SPATA6: variants seen among roughly 807,000 people sequenced by gnomAD.
The protein encoded by SPATA6 is spermatogenesis-associated protein 6.
SPATA6 carries 56 observed loss-of-function variants against 65.3 expected under a neutral mutation model. The observed-to-expected ratio is 0.86, with a 90% CI of 0.69 to 1.07. The LOEUF is 1.07. Among genes scored for constraint, SPATA6 ranks in the 50% least tolerant of loss-of-function variants. The probability of loss-of-function intolerance (pLI) is 0.00; values close to 1 mark genes in which losing one functional copy is unlikely to be tolerated. For synonymous variants in SPATA6, 199 were observed against 213.2 expected (o/e 0.93, Z 0.58); for missense variants, 590 against 594.8 (o/e 0.99, Z 0.08).
At chr1:48,384,798 C>T (rs183024370) in intron 9 of SPATA6, among the ~76,000 whole-genome samples, 25 of 152,222 alleles carry the variant, frequency 1.6e-4, no homozygotes, top group African/African-American at 4.8e-4. Flanking sequence ...AGAAACATTG[C>T]TTTATTTTCA....
At chr1:48,315,268 T>G (rs906686385) in intron 11 of SPATA6, among the ~76,000 whole-genome samples, 1 of 152,174 alleles carries the variant, frequency 6.6e-6, no homozygotes, top group Non-Finnish European at 1.5e-5. Context: ...ATATCCCTGA[T>G]GAACATAGAT....
chr1:48,345,542 C>G (rs555564895), intron 11 of SPATA6, among the ~76,000 whole-genome samples: 1 of 151,932 alleles, frequency 6.6e-6, no homozygotes, highest in African/African-American at 2.4e-5. Flanking sequence ...TTCAAAAGAT[C>G]AACAAATCCA....
chr1:48,343,448 T>C (rs977651942), intron 11 of SPATA6, among the ~76,000 whole-genome samples: 2 of 152,194 alleles, frequency 1.3e-5, no homozygotes, highest in East Asian at 3.9e-4. Flanking sequence ...ACAAAACAGA[T>C]GAAGCGGAAT....
At position 48,472,183 on chromosome 1, in the gene SPATA6, C is replaced by T. The variant is rs1220750005; in HGVS notation, c.-175G>A. On this transcript the variant is annotated 5_prime_UTR_variant, in exon 1 of 13. Transcript: ENST00000371847. The stretch of plus-strand genomic sequence containing the variant: ...GTTCCGCCGGAGAAGCAGCTGAGCG[C>T]GGGGCGCAGACTCGTTGTCATGGCA... 6 of 533,584 alleles carry T rather than the reference C, an allele frequency of 1.1e-5. No homozygotes were observed. The highest frequency in any genetic ancestry group is 1.0e-4 in the African/African-American group (5 of 49,206). 33.1% of individuals were successfully genotyped at this position (533,584 alleles called of 1,614,324 possible).
At chr1:48,278,651 G>C in the SPATA6 span, among the ~76,000 whole-genome samples, 1 of 152,138 alleles carries the variant, frequency 6.6e-6, no homozygotes, top group Non-Finnish European at 1.5e-5. Flanking sequence ...AAAAAGAAAT[G>C]AACAAAGCCT....
chr1:48,302,136 T>G (rs998462480), intron 12 of SPATA6, among the ~76,000 whole-genome samples: 2 of 152,260 alleles, frequency 1.3e-5, no homozygotes, highest in Non-Finnish European at 2.9e-5. Flanking sequence ...ATGATTTGCC[T>G]GGACTGATAT....
At chr1:48,313,191 G>T (rs1645279207) in intron 11 of SPATA6, among the ~76,000 whole-genome samples, 1 of 152,132 alleles carries the variant, frequency 6.6e-6, no homozygotes, top group South Asian at 2.1e-4. Context: ...GAAATACAGA[G>T]AATGCCACAA....
chr1:48,465,276 T>G (rs1233549773), intron 1 of SPATA6, among the ~76,000 whole-genome samples: 1 of 152,146 alleles, frequency 6.6e-6, no homozygotes, highest in Non-Finnish European at 1.5e-5. Flanking sequence ...GCAGGAAAGA[T>G]TCTCCCCTAA....
chr1:48,326,600 T>G (rs1204568025), intron 11 of SPATA6, among the ~76,000 whole-genome samples: 1 of 150,680 alleles, frequency 6.6e-6, no homozygotes, highest in Non-Finnish European at 1.5e-5. Context: ...CATCACATTA[T>G]ATAGCTTTAA....
intron 3 of SPATA6, among the ~76,000 whole-genome samples, chr1:48,422,418 G>C (rs1328650918): frequency 6.6e-6 from 1 of 152,132 alleles, no homozygotes; most frequent in Admixed American, 6.6e-5. Context: ...AGATTTTTAT[G>C]GTCTCACAGA....
the SPATA6 span, among the ~76,000 whole-genome samples, chr1:48,271,757 T>C: frequency 1.3e-5 from 2 of 152,144 alleles, no homozygotes; most frequent in Non-Finnish European, 2.9e-5. Context: ...TAGTCACTGA[T>C]AATTCAGTTT....
At chr1:48,292,572 C>T (rs1431741441), downstream of SPATA6, among the ~76,000 whole-genome samples, 1 of 152,186 alleles carries the variant, frequency 6.6e-6, no homozygotes, top group African/African-American at 2.4e-5. Context: ...AGACCAGCAG[C>T]AGGTGTTTAT....
chr1:48,281,989 T>C, the SPATA6 span, among the ~76,000 whole-genome samples: 21 of 152,114 alleles, frequency 1.4e-4, no homozygotes, highest in Non-Finnish European at 2.6e-4. Context: ...AACAGAGATA[T>C]ATATCAATGG....
rs57640838 is a variant in SPATA6, at chr1:48,325,335, T to G, written c.1195-19457A>C. ...ACTGTGTGTAGGGCACAGGCCCCCG[T>G]AGAGTCCTCCCCTGAAGGCAAAGTT... is the stretch of plus-strand genomic sequence containing the variant. On this transcript the variant is annotated intron_variant, in intron 11 of 12. Transcript: ENST00000371847. 3.2e-3 allele frequency: 4,221 copies of G among 1,305,410 alleles called. 119 individuals are homozygous for G. In the African/African-American group the frequency reaches 0.055, roughly 17 times the overall value. 80.9% of individuals were successfully genotyped at this position (1,305,410 alleles called of 1,614,324 possible). A position where few individuals can be genotyped will look rare whatever the true frequency, so the allele number is the denominator to read the frequency against.
intron 9 of SPATA6, among the ~76,000 whole-genome samples, chr1:48,369,139 T>C (rs1647142758): frequency 6.6e-6 from 1 of 152,146 alleles, no homozygotes; most frequent in African/African-American, 2.4e-5. Context: ...TGCTGCCTGA[T>C]CGGTCCTCTG....
At chr1:48,396,901 G>T (rs774164201) in intron 7 of SPATA6, among the ~76,000 whole-genome samples, 1 of 151,468 alleles carries the variant, frequency 6.6e-6, no homozygotes, top group Non-Finnish European at 1.5e-5. Context: ...CACACTTAAA[G>T]ATGGTTAAAA....
the SPATA6 span, chr1:48,262,800 T>C: frequency 3.3e-5 from 5 of 152,154 alleles, no homozygotes; most frequent in African/African-American, 9.6e-5. Context: ...ATTAATAGTT[T>C]TTACGTAACA....
chr1:48,451,572 T>A lies in SPATA6; in HGVS notation c.218A>T (p.Asp73Val). The change falls in exon 3 of 13, where the codon GAT (aspartate) becomes GTT (valine). Residue 73 changes from aspartate (D) to valine (V), a missense_variant. By Grantham distance (152) the Asp-to-Val change is radical (BLOSUM62 -3). Transcript: ENST00000371847. ...CTTACATTCAAGCTGTGTAACCACA[T>A]CTCCAGGATCTACTGCGTCCGGGAA... is the stretch of plus-strand genomic sequence containing the variant. ...KVFPDAVDPG[D>V]VVTQLEYDTA... The A allele has an allele frequency of 6.2e-7, 1 of 1,612,310 alleles. No homozygotes were observed. The highest frequency in any genetic ancestry group is 8.5e-7 in the Non-Finnish European group (1 of 1,179,244).
chr1:48,448,610 A>G (rs909495679), intron 3 of SPATA6, among the ~76,000 whole-genome samples: 60 of 152,184 alleles, frequency 3.9e-4, no homozygotes, highest in African/African-American at 1.4e-3. Context: ...TAATTGCCCA[A>G]AACATAATTG....
Sources: allele counts gnomAD v4.1 joint callset (sites outside exome capture counted in the v4.1 genomes callset), GRCh38; gene constraint gnomAD v4.1.1; transcripts MANE v1.5; gene names NCBI Gene and HGNC (gene_info 2026-07-23, HGNC 2026-07-21).